EOLA1: variants seen among roughly 807,000 people sequenced by gnomAD.
The protein encoded by EOLA1 is endothelium and lymphocyte associated ASCH domain 1.
Under a neutral mutation model 4.5 loss-of-function variants are expected in EOLA1, and 1 was observed. The ratio of observed to expected loss-of-function variants is 0.22; its 90% CI spans 0.08 to 1.05. The LOEUF (loss-of-function observed/expected upper bound fraction) is 1.05. Among genes scored for constraint, EOLA1 ranks in the 50% least tolerant of loss-of-function variants. The pLI, the probability that EOLA1 is intolerant of heterozygous loss-of-function variation, is 0.57. For synonymous variants in EOLA1, 37 were observed against 52.3 expected (o/e 0.71, Z 1.26); for missense variants, 69 against 127.2 (o/e 0.54, Z 2.20).
chrX:149,544,850 T>A (rs2089805956), intron 2 of EOLA1: 1 of 754,002 alleles, frequency 1.3e-6, no homozygotes, highest in Non-Finnish European at 1.6e-6. Context: ...GATCCGAGGA[T>A]CATGCCATCC....
At chrX:149,543,621 CG>C (rs1261493601) in intron 2 of EOLA1, among the ~76,000 whole-genome samples, 1 of 88,077 alleles carries the variant, frequency 1.1e-5, no homozygotes, top group Non-Finnish European at 2.3e-5. Flanking sequence ...CACAGTGCCA[CG>C]GGATGTGGGC....
intron 2 of EOLA1, 88 bp from the exon 3 acceptor site, chrX:149,545,280 G>A (rs1451315070): frequency 7.1e-6 from 6 of 849,434 alleles, no homozygotes; most frequent in Non-Finnish European, 7.3e-6. Flanking sequence ...TAGGCCAAGG[G>A]GGCCCTCTGT....
chrX:149,544,356 G>A (rs1444518206), intron 2 of EOLA1, among the ~76,000 whole-genome samples: 6 of 84,067 alleles, frequency 7.1e-5, no homozygotes, highest in Admixed American at 1.3e-4. Context: ...GTCTCATGAG[G>A]GTGGGTATAT....
chrX:149,548,262 T>G lies in EOLA1; in HGVS notation c.*1300T>G. The G allele has an allele frequency of 1.5e-6, 1 of 688,626 alleles. No individual in the cohort carries two copies. Among genetic ancestry groups the G allele is most frequent in the Non-Finnish European group, 1.9e-6 (1 of 529,757 alleles). The allele number at this position is 688,626 out of a possible 1,213,427, so 56.8% of individuals were successfully genotyped here. A position where few individuals can be genotyped will look rare whatever the true frequency, so the allele number is the denominator to read the frequency against. ...TTCCATGGAATTTTGTTTTTCTTTA[T>G]TAAGACCAAAAATGTGTTTCTCATT... On this transcript the variant is annotated 3_prime_UTR_variant, in exon 5 of 5. Transcript: ENST00000393985.
In EOLA1 at chrX:149,545,892, C is replaced by G. The variant is rs1456754824; in HGVS notation, c.253+9C>G. The G allele has an allele frequency of 8.3e-7, 1 of 1,198,670 alleles. No homozygotes were observed. The highest frequency in any genetic ancestry group is 1.8e-5 in the African/African-American group (1 of 56,466). On this transcript the variant is annotated intron_variant, in intron 4 of 4. Transcript: ENST00000393985. The stretch of plus-strand genomic sequence containing the variant: ...TCGAGGAGTGATAGCGGGTAAGTGA[C>G]AATGTACCAAATGCGCAGACAACGC...
At chrX:149,549,488 C>T (rs782766227), downstream of EOLA1, 139 of 1,148,435 alleles carry the variant, frequency 1.2e-4, 1 homozygote, top group Middle Eastern at 5.2e-3. Flanking sequence ...TGCACCTTTC[C>T]GTTGAAGAAC....
downstream of EOLA1, chrX:149,549,451 C>T (rs1557348521): frequency 8.6e-7 from 1 of 1,165,406 alleles, no homozygotes; most frequent in Admixed American, 2.6e-5. Context: ...TGAAACTCGT[C>T]AAGCTGTCTG....
rs1285707218 is a variant in EOLA1, at chrX:149,541,354, G to A, written c.-230+11G>A. ...GCCTTCTTGCGGACGGTACCTGAGG[G>A]CTGGGGTTTCCCTGGATGTGGGGCT... On this transcript the variant is annotated intron_variant, in intron 1 of 4. Coordinates refer to ENST00000393985, the MANE Select transcript of EOLA1 (RefSeq NM_001171907.3). The A allele has an allele frequency of 3.5e-5, 4 of 114,109 alleles. No individual in the cohort carries two copies. Among genetic ancestry groups the A allele is most frequent in the African/African-American group, 1.3e-4 (4 of 31,071 alleles). The allele number at this position is 114,109 out of a possible 1,213,427, so 9.4% of individuals were successfully genotyped here. A position where few individuals can be genotyped will look rare whatever the true frequency, so the allele number is the denominator to read the frequency against.
chrX:149,550,693 T>C (rs1189988723), downstream of EOLA1, among the ~76,000 whole-genome samples: 2 of 102,647 alleles, frequency 1.9e-5, no homozygotes, highest in East Asian at 3.1e-4. Context: ...TGCTTGCCCT[T>C]GCATCTCACC....
upstream of EOLA1, chrX:149,540,790 T>A (rs1337544077): frequency 8.9e-6 from 1 of 111,992 alleles, no homozygotes; most frequent in Non-Finnish European, 1.9e-5. Flanking sequence ...CTGGCGCGCA[T>A]CAGGGCCAGG....
chrX:149,548,208 A>T lies in EOLA1; in HGVS notation c.*1246A>T. 2.7e-6 allele frequency: 1 copy of T among 366,087 alleles called. No individual in the cohort carries two copies. Among genetic ancestry groups the T allele is most frequent in the Non-Finnish European group, 4.2e-6 (1 of 236,948 alleles). The allele number at this position is 366,087 out of a possible 1,213,427, so 30.2% of individuals were successfully genotyped here. On this transcript the variant is annotated 3_prime_UTR_variant, in exon 5 of 5. Transcript: ENST00000393985. ...CAAGGTTAAAAAAAACACAGACAAC[A>T]GTTCTCATTTAAATTGTTTATTATT... is the stretch of plus-strand genomic sequence containing the variant.
chrX:149,545,331 A>G, intron 2 of EOLA1, 37 bp from the exon 3 acceptor site: 7 of 1,015,621 alleles, frequency 6.9e-6, no homozygotes, highest in Non-Finnish European at 8.8e-6. Flanking sequence ...CTGTCATAGC[A>G]CTGACCACAT....
chrX:149,544,426 G>C, intron 2 of EOLA1: 5 of 495,324 alleles, frequency 1.0e-5, no homozygotes, highest in Non-Finnish European at 1.2e-5. Flanking sequence ...GAAGGACAGA[G>C]AGAGGAGTAG....
At position 149,545,374 on chromosome X, in the gene EOLA1, C is replaced by T. The variant is rs1398557082; in HGVS notation, c.-156C>T. 189 of 1,058,876 alleles carry T rather than the reference C, an allele frequency of 1.8e-4. No homozygotes were observed. Among genetic ancestry groups the T allele is most frequent in the Non-Finnish European group, 2.1e-4 (175 of 824,137 alleles). The allele number at this position is 1,058,876 out of a possible 1,213,427, so 87.3% of individuals were successfully genotyped here. A position where few individuals can be genotyped will look rare whatever the true frequency, so the allele number is the denominator to read the frequency against. On this transcript the variant is annotated 5_prime_UTR_variant, in exon 3 of 5. Transcript: ENST00000393985. ...TGCCTGTGCCTTCCTCTAGCTGTCC[C>T]CGCCCTACTCCGGACCGCCCCAAAG...
At chrX:149,542,546 C>A (rs2089749924) in intron 2 of EOLA1, among the ~76,000 whole-genome samples, 1 of 110,669 alleles carries the variant, frequency 9.0e-6, no homozygotes, top group African/African-American at 3.3e-5. Context: ...AATGTCATTT[C>A]TAGTGGCAAA....
At chrX:149,545,253 G>T in intron 2 of EOLA1, 115 bp from the exon 3 acceptor site, 1 of 757,251 alleles carries the variant, frequency 1.3e-6, no homozygotes, top group African/African-American at 2.2e-5. Flanking sequence ...ACACCAGCCC[G>T]GACTCTCCAC....
chrX:149,545,167 G>A (rs2089814853), intron 2 of EOLA1: 4 of 457,323 alleles, frequency 8.7e-6, no homozygotes, highest in Non-Finnish European at 5.4e-6. Flanking sequence ...GGCACTGAGA[G>A]TATTGGCAGG....
rs195219 is a variant in EOLA1, at chrX:149,548,289, A to G, written c.*1327A>G. On this transcript the variant is annotated 3_prime_UTR_variant, in exon 5 of 5. Transcript: ENST00000393985. Reference sequence around the variant, plus strand: ...AAGACCAAAAATGTGTTTCTCATTAAAAAATGGCAACTTTTATGGGCCATT... The same window carrying G: ...AAGACCAAAAATGTGTTTCTCATTAGAAAATGGCAACTTTTATGGGCCATT... 1.2e-4 allele frequency: 112 copies of G among 897,989 alleles called. 1 individual carries two copies. The African/African-American group carries it at 1.7e-3, about 13-fold the overall frequency. 74.0% of individuals were successfully genotyped at this position (897,989 alleles called of 1,213,427 possible).
chrX:149,545,488 G>A lies in EOLA1; in HGVS notation c.-42G>A, dbSNP rs1421417342. The stretch of plus-strand genomic sequence containing the variant: ...TGGACATCAGTGACAGACGGAAGCA[G>A]GAGACCATCAAGGTCAGTGCGATTT... On this transcript the variant is annotated 5_prime_UTR_variant, in exon 3 of 5. Transcript: ENST00000393985. 4 of 1,117,372 alleles carry A rather than the reference G, an allele frequency of 3.6e-6. No individual in the cohort carries two copies. The highest frequency in any genetic ancestry group is 6.6e-5 in the Admixed American group (2 of 30,404). 92.1% of individuals were successfully genotyped at this position (1,117,372 alleles called of 1,213,427 possible).
Sources: gnomAD v4.1 joint callset for allele counts (sites outside exome capture counted in the v4.1 genomes callset) on GRCh38, gnomAD v4.1.1 for gene constraint, MANE v1.5 for transcripts, NCBI Gene and HGNC (gene_info 2026-07-23, HGNC 2026-07-21) for gene names.